NAALADL2: variants seen among roughly 807,000 people sequenced by gnomAD.
NAALADL2 encodes the protein N-acetylated alpha-linked acidic dipeptidase like 2.
In NAALADL2, 76 loss-of-function variants were observed where a neutral mutation model predicts 87.2. That is an observed-to-expected ratio of 0.87 (90% confidence interval 0.72 to 1.05). The LOEUF is 1.05. Ranked by LOEUF, NAALADL2 falls within the 50% of genes least tolerant of loss-of-function variation. The pLI is 0.00. For synonymous variants in NAALADL2, 354 were observed against 331.0 expected, an observed-to-expected ratio of 1.07 and a Z score of -0.75; for missense variants, 1,089 against 945.8, an observed-to-expected ratio of 1.15 and a Z score of -1.99.
intron 1 of NAALADL2, among the ~76,000 whole-genome samples, chr3:174,921,574 G>A (rs1175979476): frequency 1.3e-5 from 2 of 152,002 alleles, no homozygotes; most frequent in East Asian, 1.9e-4. Flanking sequence ...GGCCGAGGCA[G>A]GCGGATCACC....
chr3:174,738,279 A>T (rs1733404504), intron 3 of NAALADL2, among the ~76,000 whole-genome samples: 1 of 152,240 alleles, frequency 6.6e-6, no homozygotes, highest in East Asian at 1.9e-4. Context: ...AAAACTTTAG[A>T]TGATGTGGAT....
At chr3:175,315,673 T>G (rs1423086667) in intron 4 of NAALADL2, among the ~76,000 whole-genome samples, 1 of 152,116 alleles carries the variant, frequency 6.6e-6, no homozygotes, top group Non-Finnish European at 1.5e-5. Context: ...TTTTGAAAAA[T>G]AAAATTAGCA....
chr3:175,345,495 C>T (rs918861437), intron 5 of NAALADL2, among the ~76,000 whole-genome samples: 5 of 152,034 alleles, frequency 3.3e-5, no homozygotes, highest in African/African-American at 1.2e-4. Flanking sequence ...GCGTGTGATG[C>T]AAAGGAAATT....
chr3:175,082,897 G>A (rs1252972650), intron 1 of NAALADL2, among the ~76,000 whole-genome samples: 1 of 152,156 alleles, frequency 6.6e-6, no homozygotes, highest in Non-Finnish European at 1.5e-5. Context: ...ATTGTTCTGG[G>A]CATAGCTAAA....
chr3:175,669,733 A>G (rs1415431253), intron 11 of NAALADL2, among the ~76,000 whole-genome samples: 1 of 152,024 alleles, frequency 6.6e-6, no homozygotes, highest in East Asian at 1.9e-4. Flanking sequence ...AAGGCAATAT[A>G]AGGTAAGTGA....
chr3:175,640,947 T>C (rs1729206451), intron 11 of NAALADL2, among the ~76,000 whole-genome samples: 4 of 152,220 alleles, frequency 2.6e-5, no homozygotes, highest in Admixed American at 2.6e-4. Flanking sequence ...CTAAATTGTC[T>C]ATTTCACTAG....
chr3:175,016,954 T>C (rs114859847), intron 1 of NAALADL2, among the ~76,000 whole-genome samples: 203 of 152,182 alleles, frequency 1.3e-3, no homozygotes, highest in African/African-American at 4.7e-3. Flanking sequence ...TTTTGAAATG[T>C]ACAATAGATT....
intron 5 of NAALADL2, among the ~76,000 whole-genome samples, chr3:175,346,259 G>A (rs1350608328): frequency 6.6e-6 from 1 of 151,586 alleles, no homozygotes; most frequent in Non-Finnish European, 1.5e-5. Flanking sequence ...ATTTTTTTTA[G>A]CCACTCTTTT....
intron 3 of NAALADL2, among the ~76,000 whole-genome samples, chr3:174,852,043 A>G (rs983723228): frequency 1.3e-5 from 2 of 152,044 alleles, no homozygotes; most frequent in Admixed American, 6.6e-5. Context: ...CATGAGAAAA[A>G]CTCTCAAAAA....
At chr3:174,514,370 A>G (rs1719793658) in intron 1 of NAALADL2, among the ~76,000 whole-genome samples, 1 of 152,208 alleles carries the variant, frequency 6.6e-6, no homozygotes, top group African/African-American at 2.4e-5. Context: ...ATAAGAAAAA[A>G]TGATTATATA....
At chr3:175,199,837 TATATATATATATA>T (rs1739591612) in intron 2 of NAALADL2, among the ~76,000 whole-genome samples, 1 of 11,932 alleles carries the variant, frequency 8.4e-5, no homozygotes, top group Non-Finnish European at 1.6e-4. Flanking sequence ...TATATATATA[TATATATATATATA>T]TATATATATA....
At chr3:175,671,011 A>ATAC (rs1425937305) in intron 11 of NAALADL2, among the ~76,000 whole-genome samples, 2 of 151,636 alleles carry the variant, frequency 1.3e-5, no homozygotes, top group East Asian at 3.9e-4. Context: ...AATAATAATA[A>ATAC]TAAGCAAAAA....
At chr3:175,038,002 C>T (rs1753624771) in intron 1 of NAALADL2, among the ~76,000 whole-genome samples, 1 of 152,080 alleles carries the variant, frequency 6.6e-6, no homozygotes, top group South Asian at 2.1e-4. Context: ...CTAATTGTTA[C>T]CTAGTGATTA....
intron 1 of NAALADL2, among the ~76,000 whole-genome samples, chr3:174,535,134 T>G (rs904129322): frequency 6.6e-6 from 1 of 152,190 alleles, no homozygotes; most frequent in Non-Finnish European, 1.5e-5. Flanking sequence ...CTACTGAACA[T>G]TACCTGAAAA....
chr3:175,431,642 C>G (rs1429805606), intron 5 of NAALADL2, among the ~76,000 whole-genome samples: 2 of 151,962 alleles, frequency 1.3e-5, no homozygotes, highest in Non-Finnish European at 2.9e-5. Flanking sequence ...AACGTGTGGA[C>G]TATGACCAAG....
In NAALADL2 at chr3:175,808,636, G is replaced by A. The variant is rs1187518281; in HGVS notation, c.*5433G>A. 1 of 151,944 alleles carries A rather than the reference G, an allele frequency of 6.6e-6. No individual in the cohort carries two copies. The highest frequency in any genetic ancestry group is 2.4e-5 in the African/African-American group (1 of 41,422). The allele number at this position is 151,944 out of a possible 1,614,324, so 9.4% of individuals were successfully genotyped here. A position where few individuals can be genotyped will look rare whatever the true frequency, so the allele number is the denominator to read the frequency against. ...AGAAGGAAACAGATTTTATTTTCCA[G>A]GGGCTAATTAATATGCACCACCTAA... On this transcript the variant is annotated 3_prime_UTR_variant, in exon 14 of 14. Transcript: ENST00000454872.
intron 2 of NAALADL2, among the ~76,000 whole-genome samples, chr3:174,621,698 TC>T (rs1036451460): frequency 7.2e-5 from 11 of 152,240 alleles, no homozygotes; most frequent in African/African-American, 2.4e-4. Flanking sequence ...ACTCTGTGTT[TC>T]CACAACTAGA....
chr3:175,132,805 G>A (rs1363404083), intron 2 of NAALADL2, among the ~76,000 whole-genome samples: 6 of 151,526 alleles, frequency 4.0e-5, no homozygotes, highest in South Asian at 2.1e-4. Flanking sequence ...CCTCCCTCCC[G>A]GACGGGATGG....
chr3:174,819,227 G>C lies in NAALADL2; in HGVS notation c.-9+81481G>C, dbSNP rs554558507. Among the ~76,000 whole-genome samples, 97 of 151,380 alleles carry C rather than the reference G, an allele frequency of 6.4e-4. No individual in the cohort carries two copies. In the Middle Eastern group the frequency reaches 0.02, roughly 32 times the overall value. Reference sequence around the variant, plus strand: ...CCAAAGGCACATGCCACCATGCCCAGCTAAATTTTGTATGTTTTGTAGACA... The same window carrying C: ...CCAAAGGCACATGCCACCATGCCCACCTAAATTTTGTATGTTTTGTAGACA... On this transcript the variant is annotated intron_variant, in intron 3 of 3. Transcript: ENST00000434257.
Sources: gnomAD v4.1 joint callset for allele counts (sites outside exome capture counted in the v4.1 genomes callset) on GRCh38, gnomAD v4.1.1 for gene constraint, MANE v1.5 for transcripts, NCBI Gene and HGNC (gene_info 2026-07-23, HGNC 2026-07-21) for gene names.